The following SUPT3H variants were observed in gnomAD, a reference collection of about 807,000 sequenced individuals.
SUPT3H encodes transcription initiation protein SPT3 homolog.
SUPT3H carries 44 observed loss-of-function variants against 44.3 expected under a neutral mutation model. That is an observed-to-expected ratio of 0.99 (90% confidence interval 0.78 to 1.28). The LOEUF (loss-of-function observed/expected upper bound fraction) is 1.28, where lower values mean the gene tolerates loss of function less well. Among genes scored for constraint, SUPT3H ranks in the 50% most tolerant of loss-of-function variants. The pLI, the probability that SUPT3H is intolerant of heterozygous loss-of-function variation, is 0.00. For synonymous variants in SUPT3H, 124 were observed against 125.6 expected (o/e 0.99, Z 0.09); for missense variants, 380 against 387.1 (o/e 0.98, Z 0.15).
At chr6:45,299,059 T>G (rs547539047) in intron 2 of SUPT3H, among the ~76,000 whole-genome samples, 6 of 152,226 alleles carry the variant, frequency 3.9e-5, no homozygotes, top group African/African-American at 1.4e-4. Flanking sequence ...TAGAATTACA[T>G]GAAGTGCCCA....
At chr6:45,337,584 C>T (rs1458718362) in intron 2 of SUPT3H, among the ~76,000 whole-genome samples, 6 of 151,790 alleles carry the variant, frequency 4.0e-5, no homozygotes, top group East Asian at 3.9e-4. Flanking sequence ...CCTAAAACAA[C>T]GGACTACCTG....
At chr6:45,284,551 T>G (rs1306457780) in intron 2 of SUPT3H, among the ~76,000 whole-genome samples, 1 of 152,104 alleles carries the variant, frequency 6.6e-6, no homozygotes, top group African/African-American at 2.4e-5. Context: ...GAGGAAGAAG[T>G]TGAATCTCTG....
chr6:45,003,930 C>A, intron 5 of SUPT3H, 138 bp from the exon 6 acceptor site: 2 of 966,152 alleles, frequency 2.1e-6, no homozygotes, highest in Non-Finnish European at 3.0e-6. Flanking sequence ...AAAATTCTTG[C>A]ATTCAAAATA....
intron 2 of SUPT3H, among the ~76,000 whole-genome samples, chr6:45,242,277 A>G (rs551332189): frequency 6.6e-6 from 1 of 152,362 alleles, no homozygotes; most frequent in South Asian, 2.1e-4. Flanking sequence ...CATAGAAGCC[A>G]AAGTTCAAGA....
intron 6 of SUPT3H, among the ~76,000 whole-genome samples, chr6:44,988,466 G>A (rs1780125228): frequency 7.1e-6 from 1 of 140,616 alleles, no homozygotes; most frequent in African/African-American, 2.7e-5. Flanking sequence ...AAGTAAATTA[G>A]GCCAAAGGGC....
intron 2 of SUPT3H, among the ~76,000 whole-genome samples, chr6:45,177,698 C>G (rs1450357873): frequency 6.6e-6 from 1 of 151,542 alleles, no homozygotes; most frequent in Non-Finnish European, 1.5e-5. Flanking sequence ...AAAGGGAAGC[C>G]CATCAGACTA....
At chr6:44,978,796 C>G (rs1295184817) in intron 6 of SUPT3H, among the ~76,000 whole-genome samples, 1 of 152,052 alleles carries the variant, frequency 6.6e-6, no homozygotes. Context: ...TTTGGTCTGT[C>G]AGAACAGGCT....
chr6:44,990,099 T>C (rs963684188), intron 6 of SUPT3H, among the ~76,000 whole-genome samples: 81 of 152,318 alleles, frequency 5.3e-4, no homozygotes, highest in African/African-American at 1.8e-3. Context: ...CTTTGCCCTA[T>C]GTTTTCTCCT....
rs138495824 is a variant in SUPT3H at position 44,850,106 on chromosome 6, C to A, written c.913-20249G>T. Among the ~76,000 whole-genome samples, 347 of 152,190 alleles carry A rather than the reference C, an allele frequency of 2.3e-3. 1 individual carries two copies. Among genetic ancestry groups the A allele is most frequent in the African/African-American group, 7.7e-3 (318 of 41,514 alleles). ...TGACTAAAATCTGTGAAACAAAATG[C>A]TAGTTAATGGTAGAATAACTTCCAA... On this transcript the variant is annotated intron_variant, in intron 10 of 10. Transcript: ENST00000371459.
At chr6:45,083,685 C>T (rs1202185569) in intron 3 of SUPT3H, among the ~76,000 whole-genome samples, 1 of 151,010 alleles carries the variant, frequency 6.6e-6, no homozygotes, top group Non-Finnish European at 1.5e-5. Flanking sequence ...ATATACCTGA[C>T]TTCATAAGGG....
chr6:44,867,014 T>C (rs1312358158), intron 10 of SUPT3H, among the ~76,000 whole-genome samples: 1 of 152,214 alleles, frequency 6.6e-6, no homozygotes, highest in African/African-American at 2.4e-5. Context: ...TAACTGCACA[T>C]GTAAAAATAC....
At position 44,841,359 on chromosome 6, in the gene SUPT3H, G is replaced by A. The variant is rs114881476; in HGVS notation, c.913-11502C>T. Among the ~76,000 whole-genome samples, 341 of 152,196 alleles carry A rather than the reference G, an allele frequency of 2.2e-3. 1 individual carries two copies. The highest frequency in any genetic ancestry group is 7.6e-3 in the African/African-American group (316 of 41,516). On this transcript the variant is annotated intron_variant, in intron 10 of 10. Transcript: ENST00000371459. ...AATACTGTTCAAGTTTAGGTAATCC[G>A]TGCTATGCTGTGAATATGGTTTTTC...
chr6:45,112,942 G>A (rs1411675545), intron 2 of SUPT3H, among the ~76,000 whole-genome samples: 1 of 148,008 alleles, frequency 6.8e-6, no homozygotes, highest in Non-Finnish European at 1.5e-5. Flanking sequence ...AGTAATTGCT[G>A]TGGTCTTGGG....
chr6:45,328,520 TTC>T, intron 2 of SUPT3H: 3 of 1,558,516 alleles, frequency 1.9e-6, no homozygotes, highest in Non-Finnish European at 2.6e-6. Flanking sequence ...TATTTGCTCA[TTC>T]TCTTTTTGTT....
At chr6:45,297,899 T>A (rs1781548695) in intron 2 of SUPT3H, among the ~76,000 whole-genome samples, 2 of 152,170 alleles carry the variant, frequency 1.3e-5, no homozygotes, top group Non-Finnish European at 2.9e-5. Flanking sequence ...TATTATTTCA[T>A]TTAATGCTCA....
intron 2 of SUPT3H, among the ~76,000 whole-genome samples, chr6:45,257,236 C>A (rs993922570): frequency 6.6e-6 from 1 of 152,008 alleles, no homozygotes; most frequent in African/African-American, 2.4e-5. Flanking sequence ...GAATATGAGC[C>A]CCATTTTTAC....
At chr6:45,313,216 CA>C (rs1784223498) in intron 2 of SUPT3H, among the ~76,000 whole-genome samples, 1 of 151,986 alleles carries the variant, frequency 6.6e-6, no homozygotes, top group Non-Finnish European at 1.5e-5. Context: ...AATCTAAAGT[CA>C]CGCCTCAGGG....
intron 2 of SUPT3H, among the ~76,000 whole-genome samples, chr6:45,147,902 G>C (rs1806339250): frequency 6.6e-6 from 1 of 152,076 alleles, no homozygotes; most frequent in Non-Finnish European, 1.5e-5. Flanking sequence ...AGTAATGTCA[G>C]TTAGCTAGCA....
chr6:44,823,075 C>A (rs1274746948), downstream of SUPT3H, among the ~76,000 whole-genome samples: 2 of 146,594 alleles, frequency 1.4e-5, no homozygotes, highest in Non-Finnish European at 3.0e-5. Flanking sequence ...CCACTTCAGC[C>A]TGGGCAATAG....
Sources: allele counts gnomAD v4.1 joint callset (sites outside exome capture counted in the v4.1 genomes callset), GRCh38; gene constraint gnomAD v4.1.1; transcripts MANE v1.5; gene names NCBI Gene and HGNC (gene_info 2026-07-23, HGNC 2026-07-21).